The following HEATR9 variants were observed in gnomAD, a reference collection of about 807,000 sequenced individuals.
The protein encoded by HEATR9 is protein HEATR9.
Under a neutral mutation model 68.2 loss-of-function variants are expected in HEATR9, and 54 were observed. That is an observed-to-expected ratio of 0.79 (90% CI 0.64 to 0.99). The LOEUF (loss-of-function observed/expected upper bound fraction) is 0.99, where lower values mean the gene tolerates loss of function less well. Among genes scored for constraint, HEATR9 ranks in the 50% least tolerant of loss-of-function variants. The probability of loss-of-function intolerance (pLI) is 0.00; values close to 1 mark genes in which losing one functional copy is unlikely to be tolerated. For synonymous variants in HEATR9, 241 were observed against 253.5 expected (o/e 0.95, Z 0.47); for missense variants, 662 against 679.7 (o/e 0.97, Z 0.29).
intron 3 of HEATR9, among the ~76,000 whole-genome samples, 153 bp from the exon 4 acceptor site, chr17:35,865,043 G>A (rs993457098): frequency 1.3e-5 from 2 of 148,928 alleles, no homozygotes; most frequent in African/African-American, 2.6e-5. Flanking sequence ...GAGCCGAGCC[G>A]AGCCGAGCCG....
chr17:35,855,148 G>A lies in HEATR9; in HGVS notation c.1628C>T (p.Pro543Leu), dbSNP rs2087725579. Residue 543 changes from proline to leucine, a missense_variant, in exon 15 of 15, where the codon CCA becomes CTA. Coordinates refer to ENST00000604834, the MANE Select transcript of HEATR9 (RefSeq NM_152781.4). ...TATGACCTGTGGCCTATGTTTTCGT[G>A]GTTTCGAGCAGCACGGTGGGAAAGC... is the stretch of plus-strand genomic sequence containing the variant. ...TPAFPPCCSK[P>L]RKHRPQVIGP... The A allele has an allele frequency of 1.9e-6, 3 of 1,614,162 alleles. No individual in the cohort carries two copies.
Position 35,858,496 on chromosome 17 carries a change from G to C in HEATR9, c.969C>G (p.His323Gln). The change falls in exon 10 of 15, where the codon CAC (histidine) becomes CAG (glutamine). Residue 323 changes from histidine to glutamine, a missense_variant. Transcript: ENST00000604834. The stretch of plus-strand genomic sequence containing the variant: ...CCTTGATGACTGGGGCTGAGTGCAC[G>C]TGCATCACCTTGACCAGCATCCTAA... Reference protein sequence around the residue: ...KALRMLVKVMHVHSAPVIKAI... With the variant: ...KALRMLVKVMQVHSAPVIKAI... The C allele has an allele frequency of 3.7e-6, 6 of 1,613,694 alleles. No individual in the cohort carries two copies. Among genetic ancestry groups the C allele is most frequent in the Non-Finnish European group, 5.1e-6 (6 of 1,179,992 alleles).
chr17:35,857,469 A>G (rs2143887488), intron 11 of HEATR9, among the ~76,000 whole-genome samples: 1 of 152,258 alleles, frequency 6.6e-6, no homozygotes, highest in South Asian at 2.1e-4. Context: ...TTAGAAATAT[A>G]ACACCTAGGG....
rs1052731119 is a variant in HEATR9 at position 35,856,755 on chromosome 17, A to G, written c.1203T>C (p.Pro401=). 91 of 1,606,146 alleles carry G rather than the reference A, an allele frequency of 5.7e-5. No homozygotes were observed. The highest frequency in any genetic ancestry group is 7.6e-5 in the Non-Finnish European group (89 of 1,176,344). The change falls in exon 12 of 15, where the codon CCT becomes CCC. Residue 401 remains proline, a synonymous_variant. Transcript: ENST00000604834. ...AQTVEELKLK[P]TMMNLVEAQL... ...ACGCCTCCACCAAGTTCATCATCGT[A>G]GGCTTCAACTTGAGCTCTTCCACAG...
At chr17:35,863,642 C>G (rs1056340427) in intron 6 of HEATR9, 83 bp from the exon 7 acceptor site, 1 of 1,457,644 alleles carries the variant, frequency 6.9e-7, no homozygotes, top group Non-Finnish European at 9.6e-7. Flanking sequence ...CTTAACTTCT[C>G]ATTTTACAAA....
At chr17:35,855,826 C>T in intron 13 of HEATR9, 76 bp from the exon 14 acceptor site, 1 of 1,198,540 alleles carries the variant, frequency 8.3e-7, no homozygotes, top group South Asian at 1.2e-5. Context: ...ATTCTAGCCC[C>T]TTTGTGAGAC....
intron 4 of HEATR9, 34 bp from the exon 5 acceptor site, chr17:35,864,587 C>T: frequency 6.3e-7 from 1 of 1,599,698 alleles, no homozygotes; most frequent in African/African-American, 1.4e-5. Flanking sequence ...GAAAGGAAGA[C>T]AGAGAAAAAT....
At chr17:35,859,208 T>C in intron 8 of HEATR9, 138 bp from the exon 9 acceptor site, 3 of 750,464 alleles carry the variant, frequency 4.0e-6, no homozygotes, top group East Asian at 5.4e-5. Context: ...TTATTCTTGC[T>C]GTCACCTACT....
intron 12 of HEATR9, 111 bp downstream of exon 12, chr17:35,856,621 G>C (rs561627164): frequency 1.0e-6 from 1 of 964,988 alleles, no homozygotes. Flanking sequence ...CTGCACTGTA[G>C]GTTCTCAGCT....
chr17:35,862,966 C>G, intron 8 of HEATR9, 29 bp downstream of exon 8: 1 of 1,614,142 alleles, frequency 6.2e-7, no homozygotes, highest in Non-Finnish European at 8.5e-7. Context: ...CCAGCTTTGC[C>G]CCCAATTAAA....
At position 35,856,306 on chromosome 17, in the gene HEATR9, A is replaced by G. The variant is rs1430541250; in HGVS notation, c.1227-82T>C. The G allele has an allele frequency of 3.7e-6, 6 of 1,614,006 alleles. No individual in the cohort carries two copies. The Admixed American group carries it at 6.7e-5, about 18-fold the overall frequency. ...GGGAGGCTGGTTGCTTTTCAGGTCC[A>G]GAGCGAATTAGGCAAAGTGATGCTA... On this transcript the variant is annotated intron_variant, in intron 12 of 14. Coordinates refer to ENST00000604834, the MANE Select transcript of HEATR9 (RefSeq NM_152781.4).
At position 35,856,722 on chromosome 17, in the gene HEATR9, G is replaced by A; in HGVS notation, c.1226+10C>T. On this transcript the variant is annotated intron_variant, in intron 12 of 14. Transcript: ENST00000604834. ...TAGGATTTGGCCCTGGCAGCTCCCA[G>A]GCCACTCACGCCTCCACCAAGTTCA... is the stretch of plus-strand genomic sequence containing the variant. 2 of 1,596,988 alleles carry A rather than the reference G, an allele frequency of 1.3e-6. No individual in the cohort carries two copies.
intron 1 of HEATR9, 107 bp downstream of exon 1, chr17:35,868,548 A>C: frequency 6.5e-7 from 1 of 1,538,064 alleles, no homozygotes; most frequent in Admixed American, 2.0e-5. Flanking sequence ...GATGTTTCCC[A>C]AGGGTTTGCT....
chr17:35,858,556 C>T (rs1259411345), intron 9 of HEATR9, 31 bp from the exon 10 acceptor site: 3 of 1,593,948 alleles, frequency 1.9e-6, no homozygotes, highest in Admixed American at 1.7e-5. Flanking sequence ...GCAGGGTGTA[C>T]AGGGCCTAGA....
chr17:35,864,665 G>A (rs1398085226), intron 4 of HEATR9, 93 bp downstream of exon 4: 20 of 1,595,366 alleles, frequency 1.3e-5, no homozygotes, highest in Non-Finnish European at 1.7e-5. Context: ...CTGTTTTTCA[G>A]GCAAGGACTG....
intron 9 of HEATR9, 151 bp downstream of exon 9, chr17:35,858,737 T>C: frequency 1.1e-6 from 1 of 915,700 alleles, no homozygotes; most frequent in Non-Finnish European, 1.7e-6. Context: ...CGCTTATATG[T>C]CCATATGACC....
chr17:35,858,208 G>T lies in HEATR9; in HGVS notation c.1144C>A (p.Pro382Thr). ...GCTTTGGTCTCACTTACAAGGAAGG[G>T]TTCATTATGCGTCTTCCTCCTGAGC... Reference protein sequence around the residue: ...NLLRRKTHNEPFLAVRQAVAQ... With the variant: ...NLLRRKTHNETFLAVRQAVAQ... The change falls in exon 11 of 15, where the codon CCC (proline) becomes ACC (threonine). Residue 382 changes from proline (P) to threonine (T), a missense_variant. Physicochemically the swap from Pro to Thr is conservative, Grantham distance 38. Transcript: ENST00000604834. 6.2e-7 allele frequency: 1 copy of T among 1,614,166 alleles called. No individual in the cohort carries two copies. Among genetic ancestry groups the T allele is most frequent in the East Asian group, 2.2e-5 (1 of 44,884 alleles).
chr17:35,867,740 T>TG (rs1409394452), intron 1 of HEATR9, among the ~76,000 whole-genome samples: 3 of 152,028 alleles, frequency 2.0e-5, no homozygotes, highest in Non-Finnish European at 4.4e-5. Flanking sequence ...AGATTAAGGG[T>TG]GGGGTCTGAG....
intron 8 of HEATR9, among the ~76,000 whole-genome samples, chr17:35,859,955 A>G (rs1303933900): frequency 6.6e-6 from 1 of 152,192 alleles, no homozygotes; most frequent in Non-Finnish European, 1.5e-5. Flanking sequence ...TCCTATGACT[A>G]CTTTTGTCCA....
Sources: gnomAD v4.1 joint callset for allele counts (sites outside exome capture counted in the v4.1 genomes callset) on GRCh38, gnomAD v4.1.1 for gene constraint, MANE v1.5 for transcripts, NCBI Gene and HGNC (gene_info 2026-07-23, HGNC 2026-07-21) for gene names.